MPG: variants seen among roughly 807,000 people sequenced by gnomAD.
MPG encodes DNA-3-methyladenine glycosylase.
A neutral mutation model predicts 31.7 loss-of-function variants in MPG; 33 were observed. The observed-to-expected ratio is 1.04, with a 90% CI of 0.79 to 1.39. The LOEUF (loss-of-function observed/expected upper bound fraction) is 1.39, where lower values mean the gene tolerates loss of function less well. MPG is among the 40% of genes most tolerant of loss of function. The probability of loss-of-function intolerance (pLI) is 0.00; values close to 1 mark genes in which losing one functional copy is unlikely to be tolerated. For synonymous variants in MPG, 202 were observed against 169.2 expected, an observed-to-expected ratio of 1.19 and a Z score of -1.51; for missense variants, 455 against 415.5, an observed-to-expected ratio of 1.10 and a Z score of -0.83.
In MPG at chr16:82,753, A is replaced by T. The variant is rs184069239; in HGVS notation, c.301-299A>T. ...TGGAGGGTCCTGCTGAGAGGACTTG[A>T]CCTGCAAGGTGAATCCATGACTGCC... On this transcript the variant is annotated intron_variant, in intron 2 of 3. Transcript: ENST00000356432. Among the ~76,000 whole-genome samples the T allele has an allele frequency of 5.7e-4, 86 of 152,182 alleles. No homozygotes were observed. The Middle Eastern group carries it at 0.01, about 18-fold the overall frequency.
rs764911171 is a variant in MPG, at chr16:83,299, C to T, written c.505+43C>T. Reference sequence around the variant, plus strand: ...ACGGGGGGTTGGAGGGCCGGCAGAGCCCTGTCCGCTAGCAGCCAGGGGACC... The same window carrying T: ...ACGGGGGGTTGGAGGGCCGGCAGAGTCCTGTCCGCTAGCAGCCAGGGGACC... On this transcript the variant is annotated intron_variant, in intron 3 of 3. Transcript: ENST00000356432. 3.8e-6 allele frequency: 6 copies of T among 1,570,746 alleles called. No individual in the cohort carries two copies. The African/African-American group carries it at 4.0e-5, about 11-fold the overall frequency.
In MPG at chr16:83,154, G is replaced by A. The variant is rs779904695; in HGVS notation, c.403G>A (p.Gly135Ser). The A allele has an allele frequency of 1.9e-6, 3 of 1,613,166 alleles. No individual in the cohort carries two copies. Among genetic ancestry groups the A allele is most frequent in the Admixed American group, 1.7e-5 (1 of 60,000 alleles). ...PEDEAAHSRG[G>S]RQTPRNRGMF... ...GGATGAAGCCGCCCACTCAAGGGGT[G>A]GCCGGCAGACCCCCCGCAACCGAGG... The change falls in exon 3 of 4, where the codon GGC becomes AGC. Residue 135 changes from glycine to serine, a missense_variant. Physicochemically the swap from Gly to Ser is moderately conservative, Grantham distance 56 (BLOSUM62 0). Coordinates refer to ENST00000356432, the MANE Select transcript of MPG (RefSeq NM_001015052.3).
At chr16:79,355 T>A (rs1453530237) in intron 1 of MPG, 70 bp from the exon 2 acceptor site, 2 of 1,613,934 alleles carry the variant, frequency 1.2e-6, no homozygotes, top group Admixed American at 3.3e-5. Flanking sequence ...GTCCTTGCAC[T>A]TCCTGAGCCT....
At chr16:80,681 C>T (rs999029666) in intron 2 of MPG, among the ~76,000 whole-genome samples, 3 of 152,086 alleles carry the variant, frequency 2.0e-5, no homozygotes, top group African/African-American at 4.8e-5. Flanking sequence ...TGATGACGGG[C>T]GCCTCTAATC....
At chr16:77,783 G>A (rs572840605), upstream of MPG, among the ~76,000 whole-genome samples, 4 of 152,218 alleles carry the variant, frequency 2.6e-5, no homozygotes, top group South Asian at 8.3e-4. Flanking sequence ...CGGCCTCCCA[G>A]GCGCTCACTC....
intron 2 of MPG, among the ~76,000 whole-genome samples, chr16:80,631 A>C (rs1265166280): frequency 1.3e-5 from 2 of 152,172 alleles, no homozygotes; most frequent in East Asian, 1.9e-4. Context: ...CAACATGGTG[A>C]AACCCCATCT....
At chr16:78,953 C>T (rs1354034881) in intron 1 of MPG, among the ~76,000 whole-genome samples, 1 of 152,026 alleles carries the variant, frequency 6.6e-6, no homozygotes, top group African/African-American at 2.4e-5. Flanking sequence ...CCCCGGTGCT[C>T]ACCCCTCCCT....
At chr16:79,152 G>T in intron 1 of MPG, 1 of 1,513,776 alleles carries the variant, frequency 6.6e-7, no homozygotes, top group Non-Finnish European at 8.9e-7. Context: ...ATGCAGCCTG[G>T]GCCCCCATGC....
At chr16:79,271 G>A in intron 1 of MPG, 154 bp from the exon 2 acceptor site, 1 of 1,562,928 alleles carries the variant, frequency 6.4e-7, no homozygotes, top group East Asian at 2.4e-5. Flanking sequence ...CAGGGTGTTT[G>A]TGCCTCATAA....
intron 3 of MPG, among the ~76,000 whole-genome samples, chr16:85,121 G>T (rs1898389474): frequency 1.3e-5 from 2 of 152,240 alleles, no homozygotes; most frequent in Admixed American, 6.5e-5. Context: ...AGTGGGGGAG[G>T]CCCTGCCTGG....
At chr16:82,732 G>A (rs543899724) in intron 2 of MPG, among the ~76,000 whole-genome samples, 21 of 152,230 alleles carry the variant, frequency 1.4e-4, no homozygotes, top group African/African-American at 4.8e-4. Context: ...GGGGAATGGA[G>A]GGTCCTGCTG....
At chr16:78,371 GC>G in intron 1 of MPG, 38 bp downstream of exon 1, 1 of 1,199,500 alleles carries the variant, frequency 8.3e-7, no homozygotes, top group Non-Finnish European at 1.0e-6. Flanking sequence ...GAACAGACGC[GC>G]CCACCCCCAG....
upstream of MPG, chr16:77,167 G>A (rs1407052184): frequency 6.6e-6 from 1 of 152,300 alleles, no homozygotes; most frequent in Non-Finnish European, 1.5e-5. Flanking sequence ...TCAAAGCTCA[G>A]GAAAAGCCCC....
chr16:79,301 C>T, intron 1 of MPG, 124 bp from the exon 2 acceptor site: 1 of 1,596,200 alleles, frequency 6.3e-7, no homozygotes, highest in Non-Finnish European at 8.5e-7. Flanking sequence ...GGATGGTCAC[C>T]CCCGCTTTGC....
At chr16:80,202 GCAGC>G (rs1238846828) in intron 2 of MPG, among the ~76,000 whole-genome samples, 1 of 152,238 alleles carries the variant, frequency 6.6e-6, no homozygotes, top group African/African-American at 2.4e-5. Flanking sequence ...GGCCTACGGT[GCAGC>G]CTGTCCCCAC....
chr16:81,603 A>G (rs2562184), intron 2 of MPG, among the ~76,000 whole-genome samples: 8,961 of 113,024 alleles, frequency 0.079, 1,150 homozygotes, highest in African/African-American at 0.42. Context: ...CCCTATCTCC[A>G]GGAAGGCCTC....
At chr16:77,123 C>A (rs1389662095), upstream of MPG, 1 of 152,348 alleles carries the variant, frequency 6.6e-6, no homozygotes, top group African/African-American at 2.4e-5. Flanking sequence ...AAGGCCTTTT[C>A]AGGTGCTCCT....
chr16:79,097 C>T, intron 1 of MPG: 2 of 1,452,524 alleles, frequency 1.4e-6, no homozygotes, highest in Non-Finnish European at 1.8e-6. Context: ...CGGAGGGCAC[C>T]AGCCCTGCTG....
intron 3 of MPG, 130 bp from the exon 4 acceptor site, chr16:85,271 C>A: frequency 9.0e-7 from 1 of 1,114,958 alleles, no homozygotes; most frequent in Non-Finnish European, 1.3e-6. Context: ...TGCAGGTGCA[C>A]AGAGCAGGTC....
Sources: allele counts gnomAD v4.1 joint callset (sites outside exome capture counted in the v4.1 genomes callset), GRCh38; gene constraint gnomAD v4.1.1; transcripts MANE v1.5; gene names NCBI Gene and HGNC (gene_info 2026-07-23, HGNC 2026-07-21).